SGCZ: variants seen among roughly 807,000 people sequenced by gnomAD.
SGCZ encodes the protein zeta-sarcoglycan.
In SGCZ, 40 loss-of-function variants were observed where a neutral mutation model predicts 41.3. The observed-to-expected ratio is 0.97, with a 90% CI of 0.75 to 1.26. SGCZ has a LOEUF of 1.26. SGCZ is among the 50% of genes most tolerant of loss of function. The pLI, the probability that SGCZ is intolerant of heterozygous loss-of-function variation, is 0.00. For missense variants in SGCZ, 552 were observed against 369.8 expected, an observed-to-expected ratio of 1.49 and a Z score of -4.04; for synonymous variants, 206 against 137.5, an observed-to-expected ratio of 1.50 and a Z score of -3.49.
At chr8:15,050,511 GACA>G (rs1804473112) in intron 1 of SGCZ, among the ~76,000 whole-genome samples, 1 of 152,190 alleles carries the variant, frequency 6.6e-6, no homozygotes, top group African/African-American at 2.4e-5. Context: ...AAGCAAAGAA[GACA>G]ACATGTGACC....
chr8:14,603,008 A>G (rs1200820369), intron 1 of SGCZ, among the ~76,000 whole-genome samples: 1 of 152,172 alleles, frequency 6.6e-6, no homozygotes, highest in Non-Finnish European at 1.5e-5. Flanking sequence ...AGCCATGCTT[A>G]ATCTAGGAAA....
At chr8:14,323,574 G>A (rs1698318683) in intron 3 of SGCZ, among the ~76,000 whole-genome samples, 1 of 152,044 alleles carries the variant, frequency 6.6e-6, no homozygotes, top group African/African-American at 2.4e-5. Flanking sequence ...GCTTCTAAGA[G>A]ATAAAACACA....
intron 2 of SGCZ, among the ~76,000 whole-genome samples, chr8:14,507,739 G>A (rs1802345659): frequency 6.9e-6 from 1 of 144,670 alleles, no homozygotes. Flanking sequence ...TTTCTACATT[G>A]CTGTTTTTGT....
chr8:14,892,970 T>C (rs1021051682), intron 1 of SGCZ, among the ~76,000 whole-genome samples: 2 of 152,172 alleles, frequency 1.3e-5, no homozygotes, highest in Non-Finnish European at 2.9e-5. Context: ...ATGATGTAGT[T>C]ATTCTTCCAT....
chr8:14,551,488 AT>A (rs1377707655), intron 2 of SGCZ, among the ~76,000 whole-genome samples: 33 of 3,258 alleles, frequency 0.01, 9 homozygotes, highest in African/African-American at 0.016. Context: ...TATTATATAT[AT>A]TATATATATT....
At chr8:14,257,141 C>A (rs1585288021) in intron 3 of SGCZ, among the ~76,000 whole-genome samples, 1 of 151,928 alleles carries the variant, frequency 6.6e-6, no homozygotes, top group Non-Finnish European at 1.5e-5. Flanking sequence ...CCCACCTGGG[C>A]AATATGGCAA....
intron 1 of SGCZ, among the ~76,000 whole-genome samples, chr8:14,585,808 T>C (rs531086676): frequency 2.6e-5 from 4 of 152,290 alleles, no homozygotes; most frequent in Non-Finnish European, 5.9e-5. Context: ...AAAAAGTTCA[T>C]GTGATTGTCA....
chr8:14,464,516 G>A (rs1428378855), intron 2 of SGCZ, among the ~76,000 whole-genome samples: 1 of 143,054 alleles, frequency 7.0e-6, no homozygotes, highest in Non-Finnish European at 1.5e-5. Flanking sequence ...TCATCTAGCT[G>A]TTTGCCAGTT....
chr8:14,182,358 G>T (rs1192549109), intron 4 of SGCZ, among the ~76,000 whole-genome samples: 2 of 152,114 alleles, frequency 1.3e-5, no homozygotes, highest in Non-Finnish European at 2.9e-5. Context: ...GAACCAACCA[G>T]GAAATCCAGT....
chr8:14,660,272 G>C (rs1360881789), intron 1 of SGCZ, among the ~76,000 whole-genome samples: 1 of 152,094 alleles, frequency 6.6e-6, no homozygotes, highest in African/African-American at 2.4e-5. Flanking sequence ...TACTGTCATA[G>C]AAAAATAGCT....
chr8:14,325,984 C>T (rs1293379601), intron 2 of SGCZ, among the ~76,000 whole-genome samples: 2 of 148,636 alleles, frequency 1.3e-5, no homozygotes, highest in Non-Finnish European at 3.0e-5. Context: ...TGGTGGCGGG[C>T]GCCTGTAGTC....
At chr8:15,008,398 A>G (rs1393070970) in intron 1 of SGCZ, among the ~76,000 whole-genome samples, 3 of 151,836 alleles carry the variant, frequency 2.0e-5, no homozygotes, top group Non-Finnish European at 2.9e-5. Flanking sequence ...ATAGAAGGAC[A>G]GTAGATATAA....
At chr8:14,791,822 A>T (rs535914904) in intron 1 of SGCZ, among the ~76,000 whole-genome samples, 100 of 152,322 alleles carry the variant, frequency 6.6e-4, no homozygotes, top group African/African-American at 2.3e-3. Flanking sequence ...TCCTCAGGAC[A>T]TTCTGTTTTA....
chr8:14,900,322 T>C (rs1331922888), intron 1 of SGCZ, among the ~76,000 whole-genome samples: 1 of 152,154 alleles, frequency 6.6e-6, no homozygotes, highest in African/African-American at 2.4e-5. Flanking sequence ...ATGAATGATG[T>C]GATAAACCCC....
At chr8:14,097,550 A>AG (rs1801883125) in intron 7 of SGCZ, among the ~76,000 whole-genome samples, 1 of 152,200 alleles carries the variant, frequency 6.6e-6, no homozygotes, top group Non-Finnish European at 1.5e-5. Flanking sequence ...TGTGCTAAGA[A>AG]GAATGTATAG....
intron 4 of SGCZ, among the ~76,000 whole-genome samples, chr8:14,196,708 G>A (rs1805277486): frequency 6.6e-6 from 1 of 152,102 alleles, no homozygotes; most frequent in Non-Finnish European, 1.5e-5. Context: ...AGAAGTAAAA[G>A]TAATAGACTA....
intron 1 of SGCZ, among the ~76,000 whole-genome samples, chr8:14,666,544 C>T (rs1420782145): frequency 6.6e-6 from 1 of 152,144 alleles, no homozygotes; most frequent in Non-Finnish European, 1.5e-5. Context: ...TACATCTTAT[C>T]AGCACAACTA....
intron 1 of SGCZ, among the ~76,000 whole-genome samples, chr8:15,016,026 GC>G (rs577853244): frequency 2.5e-3 from 386 of 151,990 alleles, no homozygotes; most frequent in Non-Finnish European, 3.8e-3. Flanking sequence ...TCATTTGACA[GC>G]CTTTATTGCT....
At chr8:14,526,034 A>G (rs1301981997) in intron 2 of SGCZ, among the ~76,000 whole-genome samples, 1 of 152,102 alleles carries the variant, frequency 6.6e-6, no homozygotes, top group African/African-American at 2.4e-5. Context: ...TTTCTGTAAG[A>G]TATTTTACCT....
Sources: gnomAD v4.1 joint callset for allele counts (sites outside exome capture counted in the v4.1 genomes callset) on GRCh38, gnomAD v4.1.1 for gene constraint, MANE v1.5 for transcripts, NCBI Gene and HGNC (gene_info 2026-07-23, HGNC 2026-07-21) for gene names.